ERBB4: variants seen among roughly 807,000 people sequenced by gnomAD.
ERBB4 encodes erb-b2 receptor tyrosine kinase 4.
ERBB4 carries 42 observed loss-of-function variants against 158.0 expected under a neutral mutation model. That is an observed-to-expected ratio of 0.27 (90% CI 0.21 to 0.34). ERBB4 has a LOEUF of 0.34. Ranked by LOEUF, ERBB4 falls within the 10% of genes least tolerant of loss-of-function variation. ERBB4 has a pLI of 1.00. For missense variants in ERBB4, 1,333 were observed against 1,624.1 expected (o/e 0.82, Z 3.08); for synonymous variants, 583 against 558.7 (o/e 1.04, Z -0.61).
chr2:212,149,567 T>A (rs754174703), intron 1 of ERBB4, among the ~76,000 whole-genome samples: 3 of 152,204 alleles, frequency 2.0e-5, no homozygotes, highest in Non-Finnish European at 2.9e-5. Context: ...CAGTAGCATA[T>A]GCAGTTAAAA....
At chr2:211,636,243 T>C (rs780514828) in intron 16 of ERBB4, among the ~76,000 whole-genome samples, 2 of 152,010 alleles carry the variant, frequency 1.3e-5, no homozygotes, top group Non-Finnish European at 2.9e-5. Context: ...TCTCCAACAT[T>C]ACTACTTTGT....
rs147883558 is a variant in ERBB4, at chr2:212,195,104, C to T, written c.83-70201G>A. On this transcript the variant is annotated intron_variant, in intron 1 of 27. Transcript: ENST00000342788. ...AAAGTTTTATAATTTGTATATAGTG[C>T]ATAAAAATGTTTATATAAATTCGCC... Among the ~76,000 whole-genome samples the T allele has an allele frequency of 4.5e-4, 68 of 152,020 alleles. 1 individual carries two copies. Among genetic ancestry groups the T allele is most frequent in the Admixed American group, 9.2e-4 (14 of 15,236 alleles).
Position 211,983,770 on chromosome 2 carries a change from C to A in ERBB4, c.235-36154G>T, listed in dbSNP as rs540584165. Among the ~76,000 whole-genome samples, 8 of 152,200 alleles carry A rather than the reference C, an allele frequency of 5.3e-5. No homozygotes were observed. In the South Asian group the frequency reaches 1.7e-3, roughly 32 times the overall value. ...TCTAGTCAACTAACAGCTTCATTGACTTTCAAGTATTTGAAAGAATTAAGA... is the reference window on the plus strand; with the variant it reads ...TCTAGTCAACTAACAGCTTCATTGAATTTCAAGTATTTGAAAGAATTAAGA... On this transcript the variant is annotated intron_variant, in intron 2 of 27. Coordinates refer to ENST00000342788, the MANE Select transcript of ERBB4 (RefSeq NM_005235.3).
chr2:212,093,024 A>G (rs1438732177), intron 2 of ERBB4, among the ~76,000 whole-genome samples: 1 of 152,198 alleles, frequency 6.6e-6, no homozygotes, highest in African/African-American at 2.4e-5. Context: ...ATGTTACTTC[A>G]CATGTCTGAT....
intron 1 of ERBB4, among the ~76,000 whole-genome samples, chr2:212,312,559 A>G (rs912700649): frequency 4.6e-5 from 7 of 151,088 alleles, no homozygotes; most frequent in African/African-American, 1.7e-4. Context: ...CAATTGTCAA[A>G]TTAAAAAGCA....
chr2:211,724,387 T>C (rs1369311470), intron 6 of ERBB4, among the ~76,000 whole-genome samples: 1 of 151,844 alleles, frequency 6.6e-6, no homozygotes, highest in Non-Finnish European at 1.5e-5. Context: ...CTACTACATA[T>C]GTTTGCTGGA....
chr2:212,177,470 A>G (rs2081707447), intron 1 of ERBB4, among the ~76,000 whole-genome samples: 1 of 151,982 alleles, frequency 6.6e-6, no homozygotes, highest in Non-Finnish European at 1.5e-5. Flanking sequence ...CAAAGTATAT[A>G]GCAGCTTTCT....
intron 1 of ERBB4, among the ~76,000 whole-genome samples, chr2:212,459,656 C>T (rs1688474221): frequency 6.6e-6 from 1 of 152,036 alleles, no homozygotes; most frequent in African/African-American, 2.4e-5. Flanking sequence ...AAAAAAAGAA[C>T]AGTGCTGGAA....
At chr2:212,504,475 T>A (rs1047475244) in intron 1 of ERBB4, among the ~76,000 whole-genome samples, 2 of 150,448 alleles carry the variant, frequency 1.3e-5, no homozygotes, top group African/African-American at 2.4e-5. Context: ...CAAAAAGAGA[T>A]CCTGAAAAAG....
chr2:211,933,149 G>C (rs1027916917), intron 3 of ERBB4, among the ~76,000 whole-genome samples: 3 of 151,988 alleles, frequency 2.0e-5, no homozygotes, highest in African/African-American at 7.2e-5. Context: ...TCTTTTCCCT[G>C]AGCACCATAG....
At chr2:211,438,313 G>A (rs2125447372) in intron 20 of ERBB4, among the ~76,000 whole-genome samples, 1 of 152,314 alleles carries the variant, frequency 6.6e-6, no homozygotes, top group East Asian at 1.9e-4. Context: ...TAAAGAGGTA[G>A]AGTAGATGTC....
intron 19 of ERBB4, among the ~76,000 whole-genome samples, chr2:211,584,446 C>T (rs1304205529): frequency 6.6e-6 from 1 of 152,072 alleles, no homozygotes; most frequent in African/African-American, 2.4e-5. Flanking sequence ...TCCTATATGA[C>T]ATTTTTCAAT....
At chr2:211,490,215 A>T (rs1196091882) in intron 20 of ERBB4, among the ~76,000 whole-genome samples, 1 of 152,060 alleles carries the variant, frequency 6.6e-6, no homozygotes. Flanking sequence ...CATCTTTCAG[A>T]TCCATTCCCA....
intron 3 of ERBB4, among the ~76,000 whole-genome samples, chr2:211,817,408 A>T (rs926323751): frequency 6.6e-6 from 1 of 152,192 alleles, no homozygotes; most frequent in Non-Finnish European, 1.5e-5. Flanking sequence ...TCTCTTTGGT[A>T]TAGTTGCAAA....
chr2:211,894,895 A>C (rs540734396), intron 3 of ERBB4, among the ~76,000 whole-genome samples: 1 of 152,338 alleles, frequency 6.6e-6, no homozygotes, highest in African/African-American at 2.4e-5. Flanking sequence ...ATGAAGTAGT[A>C]ATCACTAATA....
chr2:212,449,986 T>A (rs565453960), intron 1 of ERBB4, among the ~76,000 whole-genome samples: 1 of 152,270 alleles, frequency 6.6e-6, no homozygotes, highest in South Asian at 2.1e-4. Context: ...GTTATGGGAA[T>A]GACCTTGCCT....
At chr2:212,254,204 A>G (rs2084640996) in intron 1 of ERBB4, among the ~76,000 whole-genome samples, 1 of 152,190 alleles carries the variant, frequency 6.6e-6, no homozygotes, top group African/African-American at 2.4e-5. Flanking sequence ...CTAACTAAAA[A>G]CAAATAAATA....
chr2:212,187,421 T>TAAATAAATAAATAAATA (rs61071336), intron 1 of ERBB4, among the ~76,000 whole-genome samples: 15 of 146,782 alleles, frequency 1.0e-4, no homozygotes, highest in South Asian at 4.2e-4. Context: ...TAAAGTATAA[T>TAAATAAATAAATAAATA]AATAAATAAA....
intron 1 of ERBB4, among the ~76,000 whole-genome samples, chr2:212,162,658 T>A (rs181179548): frequency 3.9e-5 from 6 of 152,074 alleles, no homozygotes; most frequent in African/African-American, 1.4e-4. Context: ...CTGCAATTCA[T>A]GTTTTAATGT....
Sources: gnomAD v4.1 joint callset for allele counts (sites outside exome capture counted in the v4.1 genomes callset) on GRCh38, gnomAD v4.1.1 for gene constraint, MANE v1.5 for transcripts, NCBI Gene and HGNC (gene_info 2026-07-23, HGNC 2026-07-21) for gene names.